Variants in SLC13A3 observed in about 807,000 individuals in gnomAD.
The protein encoded by SLC13A3 is Na(+)/dicarboxylate cotransporter 3.
SLC13A3 carries 40 observed loss-of-function variants against 59.0 expected under a neutral mutation model. The observed-to-expected ratio is 0.68, with a 90% CI of 0.53 to 0.88. The LOEUF (loss-of-function observed/expected upper bound fraction) is 0.88. Among genes scored for constraint, SLC13A3 ranks in the 40% least tolerant of loss-of-function variants. The pLI is 0.00. For missense variants in SLC13A3, 699 were observed against 783.2 expected, an observed-to-expected ratio of 0.89 and a Z score of 1.28; for synonymous variants, 317 against 330.3, an observed-to-expected ratio of 0.96 and a Z score of 0.44.
At chr20:46,611,663 C>G (rs1307952664) in intron 2 of SLC13A3, among the ~76,000 whole-genome samples, 1 of 152,198 alleles carries the variant, frequency 6.6e-6, no homozygotes, top group Non-Finnish European at 1.5e-5. Context: ...TTCATCTCCA[C>G]TGCCACCTCC....
chr20:46,650,025 A>G (rs1378251965), intron 1 of SLC13A3, among the ~76,000 whole-genome samples: 1 of 152,152 alleles, frequency 6.6e-6, no homozygotes, highest in East Asian at 1.9e-4. Flanking sequence ...TGAACATTTA[A>G]TACCTCACTG....
intron 11 of SLC13A3, 79 bp from the exon 12 acceptor site, chr20:46,563,630 G>GAGAGAC: frequency 2.0e-6 from 3 of 1,473,720 alleles, no homozygotes; most frequent in South Asian, 1.3e-5. Context: ...GAGAGAGAGA[G>GAGAGAC]AGGCAGTTGG....
intron 1 of SLC13A3, among the ~76,000 whole-genome samples, chr20:46,661,775 C>T (rs2063031728): frequency 6.6e-6 from 1 of 152,106 alleles, no homozygotes; most frequent in African/African-American, 2.4e-5. Flanking sequence ...GCCAGGCATG[C>T]CTGGGAGGGG....
chr20:46,603,170 C>A (rs1166176810), intron 3 of SLC13A3, among the ~76,000 whole-genome samples: 1 of 147,948 alleles, frequency 6.8e-6, no homozygotes, highest in African/African-American at 2.5e-5. Flanking sequence ...GCAACAAGAG[C>A]AAAATTTCGT....
intron 3 of SLC13A3, among the ~76,000 whole-genome samples, chr20:46,610,081 T>A (rs2062478993): frequency 6.6e-6 from 1 of 152,232 alleles, no homozygotes; most frequent in Non-Finnish European, 1.5e-5. Flanking sequence ...TAAAATGTTA[T>A]TGTTTCAATT....
At chr20:46,565,474 C>T (rs2061971424) in intron 11 of SLC13A3, among the ~76,000 whole-genome samples, 1 of 152,074 alleles carries the variant, frequency 6.6e-6, no homozygotes, top group South Asian at 2.1e-4. Context: ...CAGGCACCTG[C>T]CACTAAGCCT....
At chr20:46,666,263 G>C (rs1482044184) in intron 1 of SLC13A3, among the ~76,000 whole-genome samples, 2 of 152,290 alleles carry the variant, frequency 1.3e-5, no homozygotes, top group Admixed American at 1.3e-4. Context: ...TCATTATACC[G>C]TGGAGAGAGT....
At chr20:46,610,307 G>T (rs369703453) in intron 3 of SLC13A3, 139 bp downstream of exon 3, 26 of 811,358 alleles carry the variant, frequency 3.2e-5, no homozygotes, top group Non-Finnish European at 4.9e-5. Flanking sequence ...ATCAGTCATT[G>T]TCATAACTAA....
intron 2 of SLC13A3, among the ~76,000 whole-genome samples, chr20:46,612,358 T>C (rs555627638): frequency 6.6e-6 from 1 of 152,214 alleles, no homozygotes; most frequent in African/African-American, 2.4e-5. Context: ...GGTCTTGAAC[T>C]CCTGGCCTCA....
intron 3 of SLC13A3, chr20:46,600,683 T>C: frequency 2.5e-6 from 1 of 396,372 alleles, no homozygotes; most frequent in South Asian, 1.9e-5. Flanking sequence ...CATTCATTCA[T>C]CCAAAAAGTA....
Position 46,683,199 on chromosome 20 carries a change from C to T in SLC13A3, c.-31+1197G>A, listed in dbSNP as rs538535816. ...CAGATATTCAGGGCAAAAGAGTCCTCGGCGGAATTTCCCTTCTAACAAAAA... is the reference window on the plus strand; with the variant it reads ...CAGATATTCAGGGCAAAAGAGTCCTTGGCGGAATTTCCCTTCTAACAAAAA... On this transcript the variant is annotated intron_variant, in intron 1 of 6. Coordinates refer to the SLC13A3 transcript ENST00000372121. Among the ~76,000 whole-genome samples the T allele has an allele frequency of 1.6e-4, 25 of 152,270 alleles. No homozygotes were observed. The South Asian group carries it at 5.0e-3, about 30-fold the overall frequency.
chr20:46,583,613 G>A lies in SLC13A3; in HGVS notation c.1178C>T (p.Pro393Leu), dbSNP rs1332182001. ...VAIVTILFFF[P>L]SQRPSLKWWF... ...CCACTTGAGAGAGGGCCTTTGGGAC[G>A]GGAAGAAGAACAAGATGGTGACAAT... Residue 393 changes from proline (P) to leucine (L), a missense_variant, in exon 9 of 13, where the codon CCG becomes CTG. Pro to Leu is a moderately conservative substitution (Grantham distance 98, BLOSUM62 -3). Coordinates refer to ENST00000279027, the MANE Select transcript of SLC13A3 (RefSeq NM_022829.6). The A allele has an allele frequency of 6.8e-6, 11 of 1,613,488 alleles. No homozygotes were observed. Among genetic ancestry groups the A allele is most frequent in the African/African-American group, 4.0e-5 (3 of 74,748 alleles).
At chr20:46,625,115 T>A (rs2062654860) in intron 1 of SLC13A3, among the ~76,000 whole-genome samples, 1 of 152,166 alleles carries the variant, frequency 6.6e-6, no homozygotes, top group Non-Finnish European at 1.5e-5. Context: ...ACTGTGGCTG[T>A]CACAAACCTT....
chr20:46,627,462 C>T (rs1004012608), intron 1 of SLC13A3, among the ~76,000 whole-genome samples: 5 of 152,186 alleles, frequency 3.3e-5, no homozygotes, highest in Non-Finnish European at 5.9e-5. Context: ...TCCCCTACCA[C>T]GAGGACAACC....
intron 4 of SLC13A3, among the ~76,000 whole-genome samples, 186 bp from the exon 5 acceptor site, chr20:46,596,528 A>C (rs1160564262): frequency 1.3e-5 from 2 of 152,182 alleles, no homozygotes; most frequent in East Asian, 3.8e-4. Flanking sequence ...AGGAATAGAC[A>C]AGTGTCTCAG....
chr20:46,631,534 G>A (rs567895478), intron 1 of SLC13A3, among the ~76,000 whole-genome samples: 106 of 152,278 alleles, frequency 7.0e-4, no homozygotes, highest in African/African-American at 2.4e-3. Flanking sequence ...CGAGGCTCAC[G>A]CGTGACCCTG....
intron 9 of SLC13A3, among the ~76,000 whole-genome samples, chr20:46,582,197 C>T (rs1031886176): frequency 2.6e-5 from 4 of 152,138 alleles, no homozygotes; most frequent in Non-Finnish European, 4.4e-5. Context: ...CATCACAGCT[C>T]ACTGCAGCTT....
At chr20:46,669,013 G>T (rs1354046937) in intron 1 of SLC13A3, among the ~76,000 whole-genome samples, 1 of 152,188 alleles carries the variant, frequency 6.6e-6, no homozygotes, top group Non-Finnish European at 1.5e-5. Flanking sequence ...TACTAGGTAT[G>T]TTCATTGGAC....
intron 1 of SLC13A3, among the ~76,000 whole-genome samples, chr20:46,615,415 C>G (rs1488468599): frequency 6.6e-6 from 1 of 152,130 alleles, no homozygotes; most frequent in Non-Finnish European, 1.5e-5. Context: ...ATTAGTTAAT[C>G]CATCTTACAG....
Sources: gnomAD v4.1 joint callset for allele counts (sites outside exome capture counted in the v4.1 genomes callset) on GRCh38, gnomAD v4.1.1 for gene constraint, MANE v1.5 for transcripts, NCBI Gene and HGNC (gene_info 2026-07-23, HGNC 2026-07-21) for gene names.